Variants in LTN1 observed in about 807,000 individuals in gnomAD.
LTN1 encodes listerin E3 ubiquitin protein ligase 1, also known as E3 ubiquitin-protein ligase listerin.
A neutral mutation model predicts 201.2 loss-of-function variants in LTN1; 88 were observed. That is an observed-to-expected ratio of 0.44 (90% CI 0.37 to 0.52). The LOEUF (loss-of-function observed/expected upper bound fraction) is 0.52, where lower values mean the gene tolerates loss of function less well. Ranked by LOEUF, LTN1 falls within the 20% of genes least tolerant of loss-of-function variation. LTN1 has a pLI of 0.00. For synonymous variants in LTN1, 645 were observed against 713.5 expected (o/e 0.90, Z 1.53); for missense variants, 1,752 against 2,038.7 (o/e 0.86, Z 2.71).
chr21:28,959,459 T>C lies in LTN1; in HGVS notation c.2592A>G (p.Pro864=). 6.2e-7 allele frequency: 1 copy of C among 1,612,134 alleles called. No individual in the cohort carries two copies. The highest frequency in any genetic ancestry group is 8.5e-7 in the Non-Finnish European group (1 of 1,178,742). ...CAQSKEKTHL[P]DFLICKLKNT... Reference sequence around the variant, plus strand: ...AACATTTGAGCAGTAGGCTATTACCTGGCAAATGTGTTTTTTCTTTGCTCT... The same window carrying C: ...AACATTTGAGCAGTAGGCTATTACCCGGCAAATGTGTTTTTTCTTTGCTCT... Residue 864 remains proline, a splice_region_variant and synonymous_variant, in exon 13 of 30, where the codon CCA becomes CCG. Coordinates refer to ENST00000361371, the MANE Select transcript of LTN1 (RefSeq NM_015565.3).
chr21:28,932,351 A>G lies in LTN1; in HGVS notation c.5070+119T>C, dbSNP rs115128457. 2,948 of 819,448 alleles carry G rather than the reference A, an allele frequency of 3.6e-3. 74 individuals carry two copies. In the African/African-American group the frequency reaches 0.044, roughly 12 times the overall value. The allele number at this position is 819,448 out of a possible 1,614,324, so 50.8% of individuals were successfully genotyped here. ...TTAGGCATATCTCTGTATTTATCCA[A>G]GGAAGTTTAATATCTACTTTTATCT... is the stretch of plus-strand genomic sequence containing the variant. On this transcript the variant is annotated intron_variant, in intron 28 of 29. Transcript: ENST00000361371.
rs769283587 is a variant in LTN1 at position 28,930,494 on chromosome 21, G to A, written c.5255C>T (p.Ser1752Phe). Residue 1752 changes from serine to phenylalanine, a missense_variant, in exon 30 of 30, where the codon TCT becomes TTT. Transcript: ENST00000361371. The part of the protein sequence containing the change: ...HSACLYKWFT[S>F]SNKSTCPLCR... ...CAGTGGACAAGTGGATTTGTTGCTA[G>A]ATGTAAACCATTTGTACTGAAAAAG... is the stretch of plus-strand genomic sequence containing the variant. 1 of 1,612,490 alleles carries A rather than the reference G, an allele frequency of 6.2e-7. No homozygotes were observed. Among genetic ancestry groups the A allele is most frequent in the Admixed American group, 1.7e-5 (1 of 59,786 alleles).
intron 9 of LTN1, chr21:28,967,713 G>T (rs1298929924): frequency 6.6e-6 from 1 of 152,268 alleles, no homozygotes; most frequent in Non-Finnish European, 1.5e-5. Context: ...CCCAGGAGGG[G>T]GTCATGGGAT....
At chr21:28,960,119 C>T (rs1326944520) in intron 12 of LTN1, among the ~76,000 whole-genome samples, 1 of 152,170 alleles carries the variant, frequency 6.6e-6, no homozygotes, top group Non-Finnish European at 1.5e-5. Flanking sequence ...GTAATCCCAG[C>T]ACTTTGGGAG....
chr21:28,934,453 T>TA (rs1235926379), intron 27 of LTN1, among the ~76,000 whole-genome samples: 1 of 152,120 alleles, frequency 6.6e-6, no homozygotes, highest in African/African-American at 2.4e-5. Context: ...AGTCTCGTGA[T>TA]AGTGAGTGAG....
intron 6 of LTN1, among the ~76,000 whole-genome samples, chr21:28,978,244 C>T (rs889076172): frequency 5.3e-4 from 80 of 152,182 alleles, no homozygotes; most frequent in African/African-American, 1.8e-3. Context: ...GTTGTCCAGG[C>T]TGGTTTGGAA....
intron 27 of LTN1, among the ~76,000 whole-genome samples, chr21:28,933,617 GA>G (rs925138409): frequency 1.2e-4 from 18 of 151,526 alleles, no homozygotes; most frequent in African/African-American, 4.4e-4. Flanking sequence ...GGCAACGACT[GA>G]AATGACATTC....
At chr21:28,960,900 A>C in intron 11 of LTN1, 194 bp from the exon 12 acceptor site, 2 of 413,070 alleles carry the variant, frequency 4.8e-6, no homozygotes, top group East Asian at 3.9e-5. Context: ...GTTCACTTCC[A>C]CGCTTTGCTG....
At chr21:28,985,221 T>C (rs1438435013) in intron 3 of LTN1, among the ~76,000 whole-genome samples, 2 of 152,126 alleles carry the variant, frequency 1.3e-5, no homozygotes, top group Non-Finnish European at 2.9e-5. Context: ...GTACTTTCGG[T>C]GGCCGAGGCA....
chr21:28,966,798 C>A lies in LTN1; in HGVS notation c.1693G>T (p.Gly565Cys), dbSNP rs34191159. The A allele has an allele frequency of 0.16, 255,629 of 1,612,828 alleles. 22,629 individuals carry two copies. Among genetic ancestry groups the A allele is most frequent in the East Asian group, 0.4 (17,955 of 44,846 alleles). ...CVSSEGEKIEGWELTTEPSLT... is the reference protein window; with the variant it reads ...CVSSEGEKIECWELTTEPSLT... ...GAAGGTTCAGTTGTTAATTCCCAGC[C>A]TTCAATCTTCTCTCCTTCTGAAGAT... Residue 565 changes from glycine (G) to cysteine (C), a missense_variant, in exon 10 of 30, where the codon GGC (glycine) becomes TGC (cysteine). By Grantham distance (159) the Gly-to-Cys change is radical. Coordinates refer to ENST00000361371, the MANE Select transcript of LTN1 (RefSeq NM_015565.3).
At chr21:28,942,756 T>C (rs1380741721) in intron 24 of LTN1, among the ~76,000 whole-genome samples, 1 of 108,546 alleles carries the variant, frequency 9.2e-6, no homozygotes, top group East Asian at 3.7e-4. Context: ...CTTCCTGATG[T>C]ACATTAATTG....
chr21:28,979,010 T>C (rs1313285451), intron 6 of LTN1, among the ~76,000 whole-genome samples: 2 of 152,078 alleles, frequency 1.3e-5, no homozygotes, highest in Non-Finnish European at 2.9e-5. Flanking sequence ...CAGCTGAATG[T>C]TGCCTACTGA....
chr21:28,936,463 GTTTA>G (rs991702908), intron 26 of LTN1, 59 bp downstream of exon 26: 9 of 1,354,924 alleles, frequency 6.6e-6, no homozygotes, highest in Non-Finnish European at 8.9e-6. Flanking sequence ...TCAGGGAAAA[GTTTA>G]ATTCAACCTA....
Position 28,936,527 on chromosome 21 carries a change from T to G in LTN1, c.4653A>C (p.Arg1551Ser). The G allele has an allele frequency of 6.2e-7, 1 of 1,610,650 alleles. No homozygotes were observed. Among genetic ancestry groups the G allele is most frequent in the Non-Finnish European group, 8.5e-7 (1 of 1,177,952 alleles). ...FFTEELQLSI[R>S]ETTMLPYHIP... ...AACATAAACACATATCTTACTGACC[T>G]CTAATACTCAGCTGGAGCTCCTCAG... Residue 1551 changes from arginine (R) to serine (S), a missense_variant and splice_region_variant, in exon 26 of 30, where the codon AGA (arginine) becomes AGC (serine). By Grantham distance (110) the Arg-to-Ser change is moderately radical. This residue lies in a region of LTN1 where 261 missense variants were observed against 350.1 expected (regional missense o/e 0.75). Transcript: ENST00000361371.
chr21:28,944,602 A>T lies in LTN1; in HGVS notation c.3769-6T>A, dbSNP rs2146268418. The T allele has an allele frequency of 6.2e-7, 1 of 1,600,624 alleles. No homozygotes were observed. Among genetic ancestry groups the T allele is most frequent in the East Asian group, 2.3e-5 (1 of 44,166 alleles). Reference sequence around the variant, plus strand: ...GCCTGATTCTCACTTGTTGTCTGAAAAAACAATAAAAATGAAATAGGTAAA... The same window carrying T: ...GCCTGATTCTCACTTGTTGTCTGAATAAACAATAAAAATGAAATAGGTAAA... On this transcript the variant is annotated splice_polypyrimidine_tract_variant and splice_region_variant and intron_variant, in intron 21 of 29. Coordinates refer to ENST00000361371, the MANE Select transcript of LTN1 (RefSeq NM_015565.3).
chr21:28,936,519 T>C lies in LTN1; in HGVS notation c.4654+7A>G, dbSNP rs1327989210. The C allele has an allele frequency of 6.2e-7, 1 of 1,602,458 alleles. No homozygotes were observed. Among genetic ancestry groups the C allele is most frequent in the Non-Finnish European group, 8.5e-7 (1 of 1,173,190 alleles). Reference sequence around the variant, plus strand: ...CAAGAAAGAACATAAACACATATCTTACTGACCTCTAATACTCAGCTGGAG... The same window carrying C: ...CAAGAAAGAACATAAACACATATCTCACTGACCTCTAATACTCAGCTGGAG... On this transcript the variant is annotated splice_region_variant and intron_variant, in intron 26 of 29. Transcript: ENST00000361371.
chr21:28,956,085 A>G (rs1190207845), intron 16 of LTN1, among the ~76,000 whole-genome samples: 3 of 152,176 alleles, frequency 2.0e-5, no homozygotes, highest in African/African-American at 7.2e-5. Context: ...TCATGAAGAT[A>G]GAATAGTATA....
In LTN1 at chr21:28,960,604, C is replaced by A; in HGVS notation, c.2266G>T (p.Asp756Tyr). The A allele has an allele frequency of 6.2e-7, 1 of 1,613,818 alleles. No homozygotes were observed. The highest frequency in any genetic ancestry group is 8.5e-7 in the Non-Finnish European group (1 of 1,179,740). The change falls in exon 12 of 30, where the codon GAC becomes TAC. Residue 756 changes from aspartate (D) to tyrosine (Y), a missense_variant. By Grantham distance (160) the Asp-to-Tyr change is radical. Coordinates refer to ENST00000361371, the MANE Select transcript of LTN1 (RefSeq NM_015565.3). The part of the protein sequence containing the change: ...VNLADCLCNE[D>Y]LESRVSSESH... Reference sequence around the variant, plus strand: ...TCTGAAGATACCCTGGATTCCAAGTCCTCATTACAAAGACAATCTGCCAAG... The same window carrying A: ...TCTGAAGATACCCTGGATTCCAAGTACTCATTACAAAGACAATCTGCCAAG...
chr21:28,973,873 G>C (rs1039536612), intron 6 of LTN1, among the ~76,000 whole-genome samples: 13 of 152,134 alleles, frequency 8.5e-5, no homozygotes, highest in Non-Finnish European at 2.9e-5. Context: ...AATTAAAGTT[G>C]TACATATACG....
Sources: allele counts gnomAD v4.1 joint callset (sites outside exome capture counted in the v4.1 genomes callset), GRCh38; gene constraint gnomAD v4.1.1; regional missense constraint gnomAD v4.1.1; transcripts MANE v1.5; gene names NCBI Gene and HGNC (gene_info 2026-07-23, HGNC 2026-07-21).